Variants in ZSCAN5A observed in about 807,000 individuals in gnomAD.
ZSCAN5A encodes zinc finger and SCAN domain-containing protein 5A.
A neutral mutation model predicts 23.7 loss-of-function variants in ZSCAN5A; 12 were observed. The ratio of observed to expected loss-of-function variants is 0.51; its 90% CI spans 0.32 to 0.82. ZSCAN5A has a LOEUF of 0.82. Ranked by LOEUF, ZSCAN5A falls within the 40% of genes least tolerant of loss-of-function variation. ZSCAN5A has a pLI of 0.03. For synonymous variants in ZSCAN5A, 257 were observed against 239.9 expected, an observed-to-expected ratio of 1.07 and a Z score of -0.66; for missense variants, 597 against 617.9, an observed-to-expected ratio of 0.97 and a Z score of 0.36.
At chr19:56,268,643 A>G (rs963128803) in intron 2 of ZSCAN5A, among the ~76,000 whole-genome samples, 1 of 152,192 alleles carries the variant, frequency 6.6e-6, no homozygotes, top group African/African-American at 2.4e-5. Flanking sequence ...GGTAAAATTC[A>G]TATGATATAA....
chr19:56,223,032 C>T (rs2033453699), intron 4 of ZSCAN5A, among the ~76,000 whole-genome samples: 1 of 152,202 alleles, frequency 6.6e-6, no homozygotes, highest in Admixed American at 6.5e-5. Flanking sequence ...TCTCCCTGCA[C>T]CTGACACTGG....
chr19:56,247,975 C>G (rs188059173), intron 2 of ZSCAN5A, among the ~76,000 whole-genome samples: 1 of 152,216 alleles, frequency 6.6e-6, no homozygotes, highest in African/African-American at 2.4e-5. Context: ...CAGGCGTGAG[C>G]CACCGCACCT....
intron 2 of ZSCAN5A, among the ~76,000 whole-genome samples, chr19:56,280,445 A>G (rs898655303): frequency 2.0e-5 from 3 of 152,160 alleles, no homozygotes; most frequent in Non-Finnish European, 2.9e-5. Flanking sequence ...TATAGGATAT[A>G]TATCAATGTA....
chr19:56,230,615 ATGTGTGTGTGTGTGTGTGTGTG>A (rs58270311), intron 2 of ZSCAN5A, among the ~76,000 whole-genome samples: 12 of 147,684 alleles, frequency 8.1e-5, no homozygotes, highest in Non-Finnish European at 1.3e-4. Flanking sequence ...TTATTTCTTG[ATGTGTGTGTGTGTGTGTGTGTG>A]TGTGTGTGTG....
chr19:56,221,426 T>C lies in ZSCAN5A; in HGVS notation c.*149A>G. 1 of 878,298 alleles carries C rather than the reference T, an allele frequency of 1.1e-6. No individual in the cohort carries two copies. The allele number at this position is 878,298 out of a possible 1,614,324, so 54.4% of individuals were successfully genotyped here. ...AACAAAGCTCAGTGGGGAGGACACATATTTACTCAAACATCCTGGCAATTC... is the reference window on the plus strand; with the variant it reads ...AACAAAGCTCAGTGGGGAGGACACACATTTACTCAAACATCCTGGCAATTC... On this transcript the variant is annotated 3_prime_UTR_variant, in exon 6 of 6. Coordinates refer to ENST00000683990, the MANE Select transcript of ZSCAN5A (RefSeq NM_001322064.3).
At chr19:56,252,666 C>T (rs2036426663) in intron 2 of ZSCAN5A, among the ~76,000 whole-genome samples, 1 of 152,216 alleles carries the variant, frequency 6.6e-6, no homozygotes, top group Non-Finnish European at 1.5e-5. Context: ...AAACATCAAA[C>T]ATGGTCAAAC....
chr19:56,296,661 A>G (rs1414885066), intron 2 of ZSCAN5A, among the ~76,000 whole-genome samples: 2 of 152,222 alleles, frequency 1.3e-5, no homozygotes, highest in African/African-American at 4.8e-5. Flanking sequence ...AACAAAGAGC[A>G]GTAGTTATAG....
chr19:56,306,032 A>G (rs1378639921), intron 2 of ZSCAN5A, among the ~76,000 whole-genome samples: 1 of 152,116 alleles, frequency 6.6e-6, no homozygotes, highest in Non-Finnish European at 1.5e-5. Flanking sequence ...TGCTCAGCAG[A>G]CCACCTCAGA....
In ZSCAN5A at chr19:56,222,680, G is replaced by A. The variant is rs765201989; in HGVS notation, c.650C>T (p.Pro217Leu). ...DVTGDPKSLR[P>L]KQTLEKDLKE... ...CAGATCCTTCTCCAAGGTCTGCTTGGGTCTCAGAGACTTTGGGTCACCTGT... is the reference window on the plus strand; with the variant it reads ...CAGATCCTTCTCCAAGGTCTGCTTGAGTCTCAGAGACTTTGGGTCACCTGT... Residue 217 changes from proline (P) to leucine (L), a missense_variant, in exon 5 of 6, where the codon CCC becomes CTC. Around this residue, in one of 5 missense-constraint regions of ZSCAN5A, gnomAD observed 406 missense variants for 353.2 expected, o/e 1.15. Transcript: ENST00000683990. 2.0e-5 allele frequency: 32 copies of A among 1,613,984 alleles called. No individual in the cohort carries two copies. The South Asian group carries it at 3.0e-4, about 15-fold the overall frequency.
chr19:56,235,143 A>T (rs1455321774), intron 2 of ZSCAN5A, among the ~76,000 whole-genome samples: 2 of 76,926 alleles, frequency 2.6e-5, no homozygotes, highest in African/African-American at 9.9e-5. Context: ...CGGTGGGCCA[A>T]GCCTCCACTC....
intron 2 of ZSCAN5A, chr19:56,310,094 G>A (rs965543750): frequency 3.3e-5 from 5 of 152,338 alleles, no homozygotes; most frequent in African/African-American, 1.2e-4. Flanking sequence ...GAAAATCAAT[G>A]CACAAATACA....
chr19:56,328,624 ACT>A (rs2041458510), intron 2 of ZSCAN5A, among the ~76,000 whole-genome samples: 1 of 151,084 alleles, frequency 6.6e-6, no homozygotes, highest in Non-Finnish European at 1.5e-5. Flanking sequence ...ACAGAGCATG[ACT>A]CTGACTCAAA....
chr19:56,320,235 A>G (rs184503250), intron 2 of ZSCAN5A: 213 of 563,608 alleles, frequency 3.8e-4, no homozygotes, highest in African/African-American at 3.7e-3. Flanking sequence ...CATTAGTTCA[A>G]CAATCCTGAG....
intron 2 of ZSCAN5A, among the ~76,000 whole-genome samples, chr19:56,242,024 G>A (rs1310610637): frequency 1.3e-5 from 2 of 152,054 alleles, no homozygotes; most frequent in African/African-American, 2.4e-5. Context: ...TGGAGTCCAC[G>A]TCCTGATTTC....
intron 2 of ZSCAN5A, among the ~76,000 whole-genome samples, chr19:56,301,388 C>T (rs1193679789): frequency 6.6e-6 from 1 of 152,032 alleles, no homozygotes; most frequent in African/African-American, 2.4e-5. Context: ...TGTGAACTGT[C>T]ATGGTACTGG....
At chr19:56,222,828 C>CAACTCTT (rs886107515) in intron 4 of ZSCAN5A, 87 bp from the exon 5 acceptor site, 1 of 1,580,590 alleles carries the variant, frequency 6.3e-7, no homozygotes, top group African/African-American at 1.4e-5. Context: ...TTGGATGCAA[C>CAACTCTT]AACTCTTCTA....
At chr19:56,354,777 G>A (rs1368203106) in intron 2 of ZSCAN5A, 1 of 152,446 alleles carries the variant, frequency 6.6e-6, no homozygotes, top group African/African-American at 2.4e-5. Context: ...AGGCCAAGGT[G>A]AGTTAATAAT....
upstream of ZSCAN5A, chr19:56,317,928 T>A (rs1328365061): frequency 6.6e-6 from 1 of 152,280 alleles, no homozygotes; most frequent in African/African-American, 2.4e-5. Context: ...CAGGAAGGTC[T>A]CCTATTTGAG....
chr19:56,272,517 G>GT (rs770335844), intron 2 of ZSCAN5A, among the ~76,000 whole-genome samples: 33 of 152,280 alleles, frequency 2.2e-4, no homozygotes, highest in Non-Finnish European at 2.6e-4. Flanking sequence ...ATTAAAAAAG[G>GT]TAACAATTAC....
Sources: gnomAD v4.1 joint callset for allele counts (sites outside exome capture counted in the v4.1 genomes callset) on GRCh38, gnomAD v4.1.1 for gene constraint, gnomAD v4.1.1 regional missense constraint, MANE v1.5 for transcripts, NCBI Gene and HGNC (gene_info 2026-07-23, HGNC 2026-07-21) for gene names.